REDIC1: variants seen among roughly 807,000 people sequenced by gnomAD.
REDIC1 encodes regulator of DNA class I crossover intermediates 1.
the REDIC1 span, among the ~76,000 whole-genome samples, chr12:39,798,349 T>A: frequency 6.6e-6 from 1 of 152,168 alleles, no homozygotes; most frequent in East Asian, 1.9e-4. Context: ...GTTCATTGTT[T>A]GAAGTTGTTA....
At chr12:39,736,323 T>C in the REDIC1 span, among the ~76,000 whole-genome samples, 8 of 152,332 alleles carry the variant, frequency 5.3e-5, no homozygotes, top group South Asian at 4.1e-4. Context: ...CCTATGCCTC[T>C]TCCACCATTG....
chr12:39,785,025 T>C, the REDIC1 span, among the ~76,000 whole-genome samples: 3 of 152,140 alleles, frequency 2.0e-5, no homozygotes, highest in African/African-American at 7.2e-5. Context: ...TTTGCAGCCT[T>C]ATGATGTAGT....
At chr12:39,813,660 A>C in the REDIC1 span, among the ~76,000 whole-genome samples, 3 of 152,230 alleles carry the variant, frequency 2.0e-5, no homozygotes, top group Admixed American at 1.3e-4. Flanking sequence ...TCAAGATTCA[A>C]ATAAGGCCCA....
chr12:39,715,545 C>T, the REDIC1 span, among the ~76,000 whole-genome samples: 1 of 151,834 alleles, frequency 6.6e-6, no homozygotes, highest in Non-Finnish European at 1.5e-5. Context: ...GAAAATACCA[C>T]CATCATTCTT....
chr12:39,742,869 A>G, the REDIC1 span, among the ~76,000 whole-genome samples: 2 of 152,290 alleles, frequency 1.3e-5, no homozygotes, highest in East Asian at 3.9e-4. Context: ...GAGAATTACT[A>G]TTTACCAGAG....
At chr12:39,897,489 G>T in the REDIC1 span, among the ~76,000 whole-genome samples, 1 of 152,154 alleles carries the variant, frequency 6.6e-6, no homozygotes, top group South Asian at 2.1e-4. Flanking sequence ...ATTGTTATTG[G>T]ACTACAACTT....
At chr12:39,824,458 C>CT in the REDIC1 span, among the ~76,000 whole-genome samples, 1 of 152,214 alleles carries the variant, frequency 6.6e-6, no homozygotes, top group Non-Finnish European at 1.5e-5. Context: ...ATTCTCAGAG[C>CT]TTGGGGGATT....
At chr12:39,709,457 A>G in the REDIC1 span, among the ~76,000 whole-genome samples, 1 of 151,738 alleles carries the variant, frequency 6.6e-6, no homozygotes, top group Non-Finnish European at 1.5e-5. Context: ...TTGTTGTGCA[A>G]CAGACCCTCG....
At chr12:39,870,415 A>G in the REDIC1 span, among the ~76,000 whole-genome samples, 1 of 152,156 alleles carries the variant, frequency 6.6e-6, no homozygotes, top group Non-Finnish European at 1.5e-5. Context: ...TTACTATCCT[A>G]ATGATTCAGT....
chr12:39,704,518 T>C, the REDIC1 span, among the ~76,000 whole-genome samples: 1 of 152,218 alleles, frequency 6.6e-6, no homozygotes, highest in African/African-American at 2.4e-5. Context: ...GTGTGGCGAT[T>C]CCTCAGGGAT....
the REDIC1 span, among the ~76,000 whole-genome samples, chr12:39,665,931 G>C: frequency 1.3e-5 from 2 of 152,084 alleles, no homozygotes; most frequent in African/African-American, 4.8e-5. Flanking sequence ...TGTATCCTGA[G>C]ACTTTGCTGA....
chr12:39,714,210 C>CATATATGTATATATGT, the REDIC1 span, among the ~76,000 whole-genome samples: 8 of 13,312 alleles, frequency 6.0e-4, 1 homozygote, highest in Non-Finnish European at 2.4e-3. Context: ...TATATACATG[C>CATATATGTATATATGT]ATATACGTAT....
chr12:39,808,047 T>C, the REDIC1 span, among the ~76,000 whole-genome samples: 1 of 152,166 alleles, frequency 6.6e-6, no homozygotes, highest in African/African-American at 2.4e-5. Context: ...TTTGACAATG[T>C]ATAAATCCAT....
the REDIC1 span, among the ~76,000 whole-genome samples, chr12:39,810,906 G>A: frequency 6.6e-6 from 1 of 152,050 alleles, no homozygotes; most frequent in Non-Finnish European, 1.5e-5. Flanking sequence ...GCAGTTTCTG[G>A]ATAGATTTGG....
the REDIC1 span, among the ~76,000 whole-genome samples, chr12:39,805,673 G>A: frequency 2.6e-5 from 4 of 152,130 alleles, no homozygotes; most frequent in African/African-American, 4.8e-5. Flanking sequence ...AATCCATTCC[G>A]CTTAAATAAT....
the REDIC1 span, among the ~76,000 whole-genome samples, chr12:39,724,467 C>T: frequency 6.6e-6 from 1 of 152,020 alleles, no homozygotes; most frequent in Admixed American, 6.6e-5. Context: ...GCTTAATAAC[C>T]AACACTTCCC....
At chr12:39,651,127 G>C in the REDIC1 span, among the ~76,000 whole-genome samples, 32 of 152,074 alleles carry the variant, frequency 2.1e-4, no homozygotes. Flanking sequence ...CTATGGTAAA[G>C]TTTAATTTAT....
At chr12:39,627,774 T>G in the REDIC1 span, among the ~76,000 whole-genome samples, 1 of 152,128 alleles carries the variant, frequency 6.6e-6, no homozygotes, top group East Asian at 1.9e-4. Flanking sequence ...ATCTCTAAAT[T>G]TAACGTTTTA....
the REDIC1 span, among the ~76,000 whole-genome samples, chr12:39,707,871 A>G: frequency 1.8e-4 from 27 of 151,986 alleles, 1 homozygote; most frequent in South Asian, 5.6e-3. Context: ...ACATGGATGG[A>G]ACTGGAGGTT....
Sources: allele counts gnomAD v4.1 joint callset (sites outside exome capture counted in the v4.1 genomes callset), GRCh38; gene constraint gnomAD v4.1.1; transcripts MANE v1.5; gene names NCBI Gene and HGNC (gene_info 2026-07-23, HGNC 2026-07-21).